The following PRKN variants were observed in gnomAD, a reference collection of about 807,000 sequenced individuals.
PRKN encodes parkin RBR E3 ubiquitin protein ligase.
A neutral mutation model predicts 59.5 loss-of-function variants in PRKN; 56 were observed. That is an observed-to-expected ratio of 0.94 (90% CI 0.76 to 1.18). The LOEUF is 1.18. PRKN is among the 50% of genes most tolerant of loss of function. PRKN has a pLI of 0.00. For synonymous variants in PRKN, 250 were observed against 222.1 expected, an observed-to-expected ratio of 1.13 and a Z score of -1.12; for missense variants, 657 against 596.4, an observed-to-expected ratio of 1.10 and a Z score of -1.06.
rs1781585264 is a variant in PRKN, at chr6:161,588,120, T to C, written c.872-18704A>G. On this transcript the variant is annotated intron_variant, in intron 7 of 11. Transcript: ENST00000366898. This position sits in a 1 kb window ranked among gnomAD's most constrained non-coding sequence, Gnocchi z 5.0. The stretch of plus-strand genomic sequence containing the variant: ...TCTATGGGGGGCTGGGCGCGGTGGC[T>C]CATGCCTGTAATCCCAGCACTTTGG... 1.3e-5 allele frequency among the ~76,000 whole-genome samples: 2 copies of C among 152,174 alleles called. No homozygotes were observed. Among genetic ancestry groups the C allele is most frequent in the African/African-American group, 4.8e-5 (2 of 41,456 alleles).
At chr6:162,111,648 T>C (rs527396331) in intron 4 of PRKN, among the ~76,000 whole-genome samples, 1 of 151,712 alleles carries the variant, frequency 6.6e-6, no homozygotes, top group South Asian at 2.1e-4. Flanking sequence ...AAATGGTGCA[T>C]AGAGTAAATC....
At position 161,541,431 on chromosome 6, in the gene PRKN, C is replaced by A. The variant is rs147662046; in HGVS notation, c.1083+7423G>T. Among the ~76,000 whole-genome samples the A allele has an allele frequency of 7.5e-3, 1,141 of 152,314 alleles. 9 individuals are homozygous for A. Among genetic ancestry groups the A allele is most frequent in the Non-Finnish European group, 0.012 (841 of 68,018 alleles). On this transcript the variant is annotated intron_variant, in intron 9 of 11. Transcript: ENST00000366898. ...TTTCAGGACTGTTCTGAGCTCTCTGCAGCTTATAAAGCTAAAGAAGTTTCT... is the reference window on the plus strand; with the variant it reads ...TTTCAGGACTGTTCTGAGCTCTCTGAAGCTTATAAAGCTAAAGAAGTTTCT...
At chr6:161,504,779 G>A (rs1253790948) in intron 9 of PRKN, among the ~76,000 whole-genome samples, 12 of 150,146 alleles carry the variant, frequency 8.0e-5, no homozygotes, top group Non-Finnish European at 5.9e-5. Context: ...GCGGTGTTTG[G>A]TTTTTTGTTC....
In PRKN at chr6:161,424,875, C is replaced by G. The variant is rs190722591; in HGVS notation, c.1084-37998G>C. ...TGTGAAGCGTCTTTACATCTTAATT[C>G]TAAGAGACAGCAGCCACGATGTGGG... is the stretch of plus-strand genomic sequence containing the variant. On this transcript the variant is annotated intron_variant, in intron 9 of 11. Coordinates refer to ENST00000366898, the MANE Select transcript of PRKN (RefSeq NM_004562.3). 6.6e-5 allele frequency among the ~76,000 whole-genome samples: 10 copies of G among 152,210 alleles called. No individual in the cohort carries two copies. The East Asian group carries it at 1.9e-3, about 29-fold the overall frequency.
Position 161,511,958 on chromosome 6 carries a change from C to T in PRKN, c.1083+36896G>A, listed in dbSNP as rs1436572266. ...GGCTAGACTTGCTGTGAGGGTTCAGCCAAGGCTCAGGCCCACGTTTCCCCC... is the reference window on the plus strand; with the variant it reads ...GGCTAGACTTGCTGTGAGGGTTCAGTCAAGGCTCAGGCCCACGTTTCCCCC... On this transcript the variant is annotated intron_variant, in intron 9 of 11. Transcript: ENST00000366898. Among the ~76,000 whole-genome samples the T allele has an allele frequency of 2.0e-5, 3 of 152,332 alleles. 1 individual carries two copies. The highest frequency in any genetic ancestry group is 7.2e-5 in the African/African-American group (3 of 41,584).
chr6:162,434,676 C>T (rs1430023779), intron 2 of PRKN, among the ~76,000 whole-genome samples: 1 of 152,096 alleles, frequency 6.6e-6, no homozygotes, highest in Non-Finnish European at 1.5e-5. Context: ...TAACTTATAT[C>T]TAAGGAAGAT....
chr6:162,589,400 G>A (rs1280477638), intron 1 of PRKN, among the ~76,000 whole-genome samples: 2 of 151,824 alleles, frequency 1.3e-5, no homozygotes, highest in East Asian at 1.9e-4. Flanking sequence ...AGATATATTC[G>A]TATTTTGCTT....
At chr6:162,058,759 C>G (rs949297629) in intron 4 of PRKN, among the ~76,000 whole-genome samples, 23 of 151,884 alleles carry the variant, frequency 1.5e-4, no homozygotes, top group African/African-American at 5.6e-4. Context: ...TCAAGACCAC[C>G]CTGGCCAACA....
At chr6:161,843,462 T>C (rs1163724037) in intron 6 of PRKN, among the ~76,000 whole-genome samples, 2 of 152,222 alleles carry the variant, frequency 1.3e-5, no homozygotes, top group Non-Finnish European at 2.9e-5. Context: ...AAAATTCTTC[T>C]GCTTATTTTG....
At chr6:162,312,300 T>C (rs1034231188) in intron 2 of PRKN, among the ~76,000 whole-genome samples, 6 of 152,098 alleles carry the variant, frequency 3.9e-5, no homozygotes, top group Non-Finnish European at 5.9e-5. Context: ...CTGGCCTTTG[T>C]TTCCTTTCTG....
intron 4 of PRKN, among the ~76,000 whole-genome samples, chr6:162,094,014 A>T (rs1356453504): frequency 6.6e-6 from 1 of 152,198 alleles, no homozygotes; most frequent in South Asian, 2.1e-4. Context: ...GCAAAACGGG[A>T]CAAAGAAAAC....
At chr6:162,661,655 C>T (rs1341809735) in intron 1 of PRKN, among the ~76,000 whole-genome samples, 2 of 152,118 alleles carry the variant, frequency 1.3e-5, no homozygotes, top group South Asian at 2.1e-4. Context: ...ATTCACCAAA[C>T]GCAGTTTGTT....
intron 1 of PRKN, among the ~76,000 whole-genome samples, chr6:162,584,145 G>A (rs1380835748): frequency 6.6e-6 from 1 of 151,060 alleles, no homozygotes; most frequent in Non-Finnish European, 1.5e-5. Flanking sequence ...CCCAGGAGGC[G>A]GAGCTTGCAG....
intron 4 of PRKN, among the ~76,000 whole-genome samples, chr6:162,132,782 A>C (rs114363541): frequency 0.02 from 3,064 of 152,196 alleles, 114 homozygotes; most frequent in African/African-American, 0.069. Context: ...TGCTGTGGAC[A>C]AAAATCAAGC....
chr6:162,436,267 T>A (rs955077403), intron 2 of PRKN, among the ~76,000 whole-genome samples: 1 of 151,038 alleles, frequency 6.6e-6, no homozygotes, highest in African/African-American at 2.4e-5. Context: ...AATGAAGCCA[T>A]TACATCCCTA....
chr6:162,176,065 C>A (rs1726209449), intron 4 of PRKN, among the ~76,000 whole-genome samples: 1 of 152,098 alleles, frequency 6.6e-6, no homozygotes, highest in African/African-American at 2.4e-5. Context: ...TCTTTGCCAC[C>A]CTTCGCTCTC....
rs566229879 is a variant in PRKN at position 162,262,662 on chromosome 6, G to A, written c.275C>T (p.Ala92Val). 1.9e-5 allele frequency: 31 copies of A among 1,613,546 alleles called. No homozygotes were observed. Among genetic ancestry groups the A allele is most frequent in the African/African-American group, 4.0e-5 (3 of 74,896 alleles). The part of the protein sequence containing the change: ...ATGGDDPRNA[A>V]GGCEREPQSL... ...CTGGGGCTCCCGCTCACAGCCTCCC[G>A]CCGCGTTTCTGGGGTCGTCGCCTCC... The change falls in exon 3 of 12, where the codon GCG becomes GTG. Residue 92 changes from alanine (A) to valine (V), a missense_variant. Transcript: ENST00000366898.
chr6:162,679,150 A>G (rs769758905), intron 1 of PRKN, among the ~76,000 whole-genome samples: 26 of 151,230 alleles, frequency 1.7e-4, no homozygotes, highest in Non-Finnish European at 2.9e-4. Context: ...CCCAGGCTGG[A>G]GTGCAATGGT....
intron 7 of PRKN, among the ~76,000 whole-genome samples, chr6:161,738,599 G>A (rs1788062310): frequency 1.3e-5 from 2 of 152,196 alleles, no homozygotes; most frequent in African/African-American, 4.8e-5. Flanking sequence ...CGCAGATGCT[G>A]GAGAGGCATG....
Sources: gnomAD v4.1 joint callset for allele counts (sites outside exome capture counted in the v4.1 genomes callset) on GRCh38, gnomAD v4.1.1 for gene constraint, Gnocchi (gnomAD v3.1) non-coding constraint, MANE v1.5 for transcripts, NCBI Gene and HGNC (gene_info 2026-07-23, HGNC 2026-07-21) for gene names.